MX2: variants seen among roughly 807,000 people sequenced by gnomAD.
The protein encoded by MX2 is MX dynamin like GTPase 2, also known as interferon-induced GTP-binding protein Mx2.
In MX2, 51 loss-of-function variants were observed where a neutral mutation model predicts 74.0. The observed-to-expected ratio is 0.69, with a 90% CI of 0.55 to 0.87. The LOEUF (loss-of-function observed/expected upper bound fraction) is 0.87, where lower values mean the gene tolerates loss of function less well. Ranked by LOEUF, MX2 falls within the 40% of genes least tolerant of loss-of-function variation. MX2 has a pLI of 0.00. For missense variants in MX2, 832 were observed against 908.7 expected (o/e 0.92, Z 1.09); for synonymous variants, 369 against 339.3 (o/e 1.09, Z -0.96).
At chr21:41,377,623 A>C (rs2089423719) in intron 2 of MX2, among the ~76,000 whole-genome samples, 166 bp from the exon 3 acceptor site, 2 of 152,302 alleles carry the variant, frequency 1.3e-5, no homozygotes, top group Admixed American at 1.3e-4. Context: ...CAATAGGAAC[A>C]GAACAGAAGG....
rs150322442 is a variant in MX2, at chr21:41,399,300, A to G, written c.1377A>G (p.Lys459=). 4.0e-5 allele frequency: 64 copies of G among 1,614,068 alleles called. No homozygotes were observed. In the African/African-American group the frequency reaches 8.3e-4, roughly 21 times the overall value. The stretch of plus-strand genomic sequence containing the variant: ...ACAACAAAATCAGAGAGGATTTTAA[A>G]AACTGGGTAGGCATACTTGCAACTA... The part of the protein sequence containing the change: ...RLYNKIREDF[K]NWVGILATNT... Residue 459 remains lysine, a synonymous_variant, in exon 10 of 14, where the codon AAA becomes AAG. Coordinates refer to ENST00000330714, the MANE Select transcript of MX2 (RefSeq NM_002463.2).
intron 10 of MX2, 83 bp downstream of exon 10, chr21:41,399,420 C>T (rs1348524369): frequency 6.9e-7 from 1 of 1,441,876 alleles, no homozygotes; most frequent in East Asian, 2.3e-5. Flanking sequence ...ATAAGTGTGC[C>T]AAGAGTGGAA....
intron 3 of MX2, among the ~76,000 whole-genome samples, chr21:41,379,325 C>T (rs143177092): frequency 5.3e-4 from 81 of 152,296 alleles, no homozygotes; most frequent in African/African-American, 1.7e-3. Flanking sequence ...ACAAAGGTCG[C>T]GGGTTCTCAG....
chr21:41,400,638 A>C (rs2089799064), intron 10 of MX2, among the ~76,000 whole-genome samples: 1 of 152,248 alleles, frequency 6.6e-6, no homozygotes, highest in Admixed American at 6.5e-5. Flanking sequence ...AGCAGAAAGC[A>C]AAGGAGAAGC....
intron 12 of MX2, among the ~76,000 whole-genome samples, chr21:41,406,360 A>G (rs762444567): frequency 2.0e-5 from 3 of 152,190 alleles, no homozygotes; most frequent in Non-Finnish European, 2.9e-5. Context: ...ATATCACACT[A>G]TTATCCCAGT....
At chr21:41,365,560 T>A (rs2089258244) in intron 1 of MX2, 1 of 152,254 alleles carries the variant, frequency 6.6e-6, no homozygotes, top group Admixed American at 6.5e-5. Context: ...GGACATGATC[T>A]CATTCTTTTT....
chr21:41,382,925 A>G (rs1316720595), intron 5 of MX2, among the ~76,000 whole-genome samples: 1 of 152,258 alleles, frequency 6.6e-6, no homozygotes, highest in Non-Finnish European at 1.5e-5. Flanking sequence ...ATTTTAAAAA[A>G]TGAATGTTAC....
chr21:41,364,478 T>G (rs1306477077), intron 1 of MX2: 1 of 154,410 alleles, frequency 6.5e-6, no homozygotes, highest in Non-Finnish European at 1.4e-5. Context: ...TCCTCAAGCG[T>G]GGACAGGGAC....
At chr21:41,378,298 G>A (rs542670074) in intron 3 of MX2, among the ~76,000 whole-genome samples, 2 of 152,018 alleles carry the variant, frequency 1.3e-5, no homozygotes, top group South Asian at 4.2e-4. Context: ...GGGAGAGACA[G>A]ATCACTGGGA....
In MX2 at chr21:41,382,409, G is replaced by A; in HGVS notation, c.578-1G>A. 6.2e-7 allele frequency: 1 copy of A among 1,613,902 alleles called. No homozygotes were observed. The highest frequency in any genetic ancestry group is 8.5e-7 in the Non-Finnish European group (1 of 1,179,934). Reference sequence around the variant, plus strand: ...GGTTTCTCCCCTCCTGGCCTCCATAGCCCAGAACGTCATGGCCGGGAATGG... The same window carrying A: ...GGTTTCTCCCCTCCTGGCCTCCATAACCCAGAACGTCATGGCCGGGAATGG... On this transcript the variant is annotated splice_acceptor_variant, in intron 4 of 13. Transcript: ENST00000330714. LOFTEE classifies it high-confidence loss of function.
chr21:41,377,285 T>TG, intron 2 of MX2, 130 bp downstream of exon 2: 1 of 1,317,910 alleles, frequency 7.6e-7, no homozygotes, highest in Non-Finnish European at 1.0e-6. Context: ...TCTCCAGCTC[T>TG]CCTGGTCATG....
In MX2 at chr21:41,368,438, A is replaced by C. The variant is rs969348194; in HGVS notation, c.-72+6383A>C. On this transcript the variant is annotated intron_variant, in intron 1 of 13. Coordinates refer to ENST00000330714, the MANE Select transcript of MX2 (RefSeq NM_002463.2). This position sits in a 1 kb window ranked among gnomAD's most constrained non-coding sequence, Gnocchi z 4.6. Reference sequence around the variant, plus strand: ...AGGCCCGTGTCAGAAAATCCTCCCTAAACTGCAATGGGGAGGGGGACTGAG... The same window carrying C: ...AGGCCCGTGTCAGAAAATCCTCCCTCAACTGCAATGGGGAGGGGGACTGAG... Among the ~76,000 whole-genome samples, 1 of 151,954 alleles carries C rather than the reference A, an allele frequency of 6.6e-6. No homozygotes were observed. The highest frequency in any genetic ancestry group is 1.5e-5 in the Non-Finnish European group (1 of 67,956).
At chr21:41,387,417 C>T (rs937531987) in intron 5 of MX2, among the ~76,000 whole-genome samples, 16 of 152,196 alleles carry the variant, frequency 1.1e-4, no homozygotes, top group Non-Finnish European at 1.9e-4. Context: ...TCCACTTTCC[C>T]GGCAACAAGT....
chr21:41,388,787 G>A lies in MX2; in HGVS notation c.733-1778G>A, dbSNP rs1176592953. Among the ~76,000 whole-genome samples, 1 of 152,194 alleles carries A rather than the reference G, an allele frequency of 6.6e-6. No homozygotes were observed. Among genetic ancestry groups the A allele is most frequent in the Non-Finnish European group, 1.5e-5 (1 of 68,046 alleles). On this transcript the variant is annotated intron_variant, in intron 5 of 13. Transcript: ENST00000330714. This position sits in a 1 kb window ranked among gnomAD's most constrained non-coding sequence, Gnocchi z 4.0. ...CATGAGTGAGTGTGCATTAAATACG[G>A]TGATTCCCAGCCCAGAGCTTTTGTA...
chr21:41,403,357 G>A lies in MX2; in HGVS notation c.1650+14G>A, dbSNP rs1300953437. ...CAAACTGTTCAGGTAAGCACCCAGA[G>A]TTCACTTGCTAGTCACCTGGACCAC... is the stretch of plus-strand genomic sequence containing the variant. On this transcript the variant is annotated intron_variant, in intron 12 of 13. Transcript: ENST00000330714. The A allele has an allele frequency of 6.2e-7, 1 of 1,604,946 alleles. No individual in the cohort carries two copies. Among genetic ancestry groups the A allele is most frequent in the African/African-American group, 1.3e-5 (1 of 74,792 alleles).
In MX2 at chr21:41,399,324, T is replaced by C. The variant is rs758007052; in HGVS notation, c.1401T>C (p.Thr467=). The C allele has an allele frequency of 6.2e-7, 1 of 1,613,810 alleles. No homozygotes were observed. Among genetic ancestry groups the C allele is most frequent in the Non-Finnish European group, 8.5e-7 (1 of 1,179,924 alleles). The change falls in exon 10 of 14, where the codon ACT becomes ACC. Residue 467 remains threonine (T), a synonymous_variant. Transcript: ENST00000330714. ...DFKNWVGILA[T]NTQKVKNIIH... ...AAAACTGGGTAGGCATACTTGCAACTAATACCCAAAAAGGTAAGTTCTGGG... is the reference window on the plus strand; with the variant it reads ...AAAACTGGGTAGGCATACTTGCAACCAATACCCAAAAAGGTAAGTTCTGGG...
chr21:41,394,257 G>A (rs1452083113), intron 6 of MX2, among the ~76,000 whole-genome samples: 2 of 140,256 alleles, frequency 1.4e-5, no homozygotes, highest in Non-Finnish European at 2.9e-5. Context: ...ACCTGGCCCT[G>A]CCTGCCTCTC....
At chr21:41,384,557 C>T (rs1474517133) in intron 5 of MX2, among the ~76,000 whole-genome samples, 1 of 152,172 alleles carries the variant, frequency 6.6e-6, no homozygotes, top group East Asian at 1.9e-4. Context: ...CTCATAATTA[C>T]AGCCACGTGC....
chr21:41,377,953 G>C lies in MX2; in HGVS notation c.414G>C (p.Leu138=). The C allele has an allele frequency of 6.2e-7, 1 of 1,613,986 alleles. No homozygotes were observed. Among genetic ancestry groups the C allele is most frequent in the Non-Finnish European group, 8.5e-7 (1 of 1,179,854 alleles). Residue 138 remains leucine, a synonymous_variant, in exon 3 of 14, where the codon CTG becomes CTC. Transcript: ENST00000330714. The part of the protein sequence containing the change: ...SSGKSSVLEA[L]SGVALPRGSG... ...GCAAGAGCTCTGTGCTGGAGGCACTGTCAGGAGTCGCGCTTCCCAGAGGCA... is the reference window on the plus strand; with the variant it reads ...GCAAGAGCTCTGTGCTGGAGGCACTCTCAGGAGTCGCGCTTCCCAGAGGCA...
Sources: allele counts gnomAD v4.1 joint callset (sites outside exome capture counted in the v4.1 genomes callset), GRCh38; gene constraint gnomAD v4.1.1; non-coding constraint Gnocchi (gnomAD v3.1); transcripts MANE v1.5; gene names NCBI Gene and HGNC (gene_info 2026-07-23, HGNC 2026-07-21).